The following CCDC150 variants were observed in gnomAD, a reference collection of about 807,000 sequenced individuals.
CCDC150 encodes the protein coiled-coil domain-containing protein 150.
In CCDC150, 151 loss-of-function variants were observed where a neutral mutation model predicts 156.5. That is an observed-to-expected ratio of 0.97 (90% confidence interval 0.85 to 1.10). The LOEUF (loss-of-function observed/expected upper bound fraction) is 1.10, where lower values mean the gene tolerates loss of function less well. Ranked by LOEUF, CCDC150 falls within the 50% of genes least tolerant of loss-of-function variation. The pLI is 0.00. For missense variants in CCDC150, 1,312 were observed against 1,268.1 expected (o/e 1.03, Z -0.53); for synonymous variants, 452 against 429.4 (o/e 1.05, Z -0.65).
chr2:196,732,774 AT>A lies in CCDC150; in HGVS notation c.*215del. On this transcript the variant is annotated 3_prime_UTR_variant, in exon 28 of 28. Transcript: ENST00000389175. ...CCTTTTCACATTTTCCACCCAATAA[AT>A]TTGTGTTAATTTGTTGTATGATAGG... The A allele has an allele frequency of 2.8e-6, 1 of 355,896 alleles. No individual in the cohort carries two copies. The allele number at this position is 355,896 out of a possible 1,614,324, so 22.0% of individuals were successfully genotyped here. A position where few individuals can be genotyped will look rare whatever the true frequency, so the allele number is the denominator to read the frequency against.
intron 15 of CCDC150, among the ~76,000 whole-genome samples, chr2:196,705,844 CA>C: frequency 6.6e-6 from 1 of 152,136 alleles, no homozygotes; most frequent in Non-Finnish European, 1.5e-5. Flanking sequence ...TCAGATTTGT[CA>C]AAGATCAGAT....
rs952837149 is a variant in CCDC150 at position 196,722,206 on chromosome 2, A to G, written c.2429+515A>G. 4.6e-5 allele frequency among the ~76,000 whole-genome samples: 7 copies of G among 152,224 alleles called. No individual in the cohort carries two copies. The East Asian group carries it at 1.3e-3, about 29-fold the overall frequency. ...AAATTATACCTCGGTAAATATTTAG[A>G]TAATAATAGCATCCCATGAAAATTT... is the stretch of plus-strand genomic sequence containing the variant. On this transcript the variant is annotated intron_variant, in intron 21 of 27. Coordinates refer to ENST00000389175, the MANE Select transcript of CCDC150 (RefSeq NM_001080539.2).
intron 1 of CCDC150, among the ~76,000 whole-genome samples, chr2:196,643,202 A>G (rs1279258247): frequency 6.6e-6 from 1 of 152,198 alleles, no homozygotes; most frequent in African/African-American, 2.4e-5. Context: ...TGCCCTGCCA[A>G]CCATCAATCA....
chr2:196,712,512 T>C (rs977946501), intron 16 of CCDC150, 165 bp from the exon 17 acceptor site: 17 of 609,516 alleles, frequency 2.8e-5, no homozygotes, highest in Admixed American at 1.2e-4. Context: ...TAAACTTTAT[T>C]AGAGAATAGA....
intron 25 of CCDC150, 59 bp from the exon 26 acceptor site, chr2:196,730,800 G>T (rs2125722050): frequency 7.9e-7 from 1 of 1,273,602 alleles, no homozygotes; most frequent in East Asian, 2.5e-5. Flanking sequence ...TAACAGTGAA[G>T]CATTTGGTTT....
intron 17 of CCDC150, chr2:196,713,265 G>T: frequency 7.2e-7 from 1 of 1,385,164 alleles, no homozygotes; most frequent in South Asian, 1.9e-5. Context: ...GCTCCTTCTA[G>T]AACACTGTGT....
rs186619486 is a variant in CCDC150 at position 196,641,567 on chromosome 2, A to T, written c.12+1789A>T. Among the ~76,000 whole-genome samples, 30 of 152,062 alleles carry T rather than the reference A, an allele frequency of 2.0e-4. 1 individual carries two copies. In the East Asian group the frequency reaches 5.8e-3, roughly 29 times the overall value. ...TTCCTATTTCATTTTCCTCCTTTGCACTTATCACCAATAAACAAACTATGT... is the reference window on the plus strand; with the variant it reads ...TTCCTATTTCATTTTCCTCCTTTGCTCTTATCACCAATAAACAAACTATGT... On this transcript the variant is annotated intron_variant, in intron 1 of 27. Transcript: ENST00000389175.
At chr2:196,639,914 G>A in intron 1 of CCDC150, 136 bp downstream of exon 1, 3 of 784,360 alleles carry the variant, frequency 3.8e-6, no homozygotes, top group South Asian at 1.0e-4. Context: ...TGGACCTCAG[G>A]GCCCTGATTT....
At chr2:196,649,892 G>C (rs1692773229) in intron 2 of CCDC150, among the ~76,000 whole-genome samples, 2 of 152,036 alleles carry the variant, frequency 1.3e-5, no homozygotes, top group Non-Finnish European at 2.9e-5. Flanking sequence ...ATCGTTTTTT[G>C]GTAGAGTCTT....
chr2:196,701,776 G>GA (rs1353031145), intron 15 of CCDC150, among the ~76,000 whole-genome samples: 1 of 152,170 alleles, frequency 6.6e-6, no homozygotes, highest in Non-Finnish European at 1.5e-5. Context: ...ATGCAGCATA[G>GA]AAAAAATAGG....
intron 2 of CCDC150, among the ~76,000 whole-genome samples, chr2:196,651,320 A>T (rs1331757083): frequency 4.6e-5 from 7 of 152,226 alleles, no homozygotes; most frequent in Admixed American, 4.6e-4. Flanking sequence ...ATTGATTAAT[A>T]ACCTGCTATT....
intron 13 of CCDC150, among the ~76,000 whole-genome samples, chr2:196,693,322 G>T (rs548645602): frequency 3.7e-4 from 57 of 152,132 alleles, no homozygotes; most frequent in Non-Finnish European, 7.2e-4. Flanking sequence ...TTTTATTTTG[G>T]TTTTTTATTT....
chr2:196,647,276 A>G lies in CCDC150; in HGVS notation c.176+772A>G, dbSNP rs572255922. Among the ~76,000 whole-genome samples, 9 of 152,256 alleles carry G rather than the reference A, an allele frequency of 5.9e-5. No individual in the cohort carries two copies. The South Asian group carries it at 1.7e-3, about 28-fold the overall frequency. On this transcript the variant is annotated intron_variant, in intron 2 of 27. Coordinates refer to ENST00000389175, the MANE Select transcript of CCDC150 (RefSeq NM_001080539.2). ...CTAAAAACATGAATATATTGCCTCCATGCTGACTTTAATAATTAGTTCACT... is the reference window on the plus strand; with the variant it reads ...CTAAAAACATGAATATATTGCCTCCGTGCTGACTTTAATAATTAGTTCACT...
intron 1 of CCDC150, among the ~76,000 whole-genome samples, chr2:196,643,586 G>A (rs937756889): frequency 3.9e-5 from 6 of 152,182 alleles, no homozygotes; most frequent in Non-Finnish European, 5.9e-5. Flanking sequence ...AATTTTAGTT[G>A]GGAATCTGCA....
At chr2:196,680,285 A>G (rs559009551) in intron 13 of CCDC150, among the ~76,000 whole-genome samples, 40 of 152,134 alleles carry the variant, frequency 2.6e-4, no homozygotes, top group African/African-American at 9.4e-4. Flanking sequence ...TGTATCATGC[A>G]AGGTATTGTT....
At chr2:196,673,731 AT>A (rs1694340106) in intron 9 of CCDC150, among the ~76,000 whole-genome samples, 1 of 152,158 alleles carries the variant, frequency 6.6e-6, no homozygotes, top group Admixed American at 6.5e-5. Context: ...CTACCTACAT[AT>A]ATGATATATC....
intron 18 of CCDC150, 100 bp downstream of exon 18, chr2:196,718,731 A>C (rs1697695752): frequency 7.0e-7 from 1 of 1,422,992 alleles, no homozygotes; most frequent in Non-Finnish European, 9.4e-7. Context: ...CATTAGAATA[A>C]GGATTGATCA....
rs144134479 is a variant in CCDC150 at position 196,720,149 on chromosome 2, A to G, written c.2166-426A>G. ...GTAAATTCCTTTATAGAATGTTTCAAAAATTAAATAAAATTTCCTTTTAGG... is the reference window on the plus strand; with the variant it reads ...GTAAATTCCTTTATAGAATGTTTCAGAAATTAAATAAAATTTCCTTTTAGG... On this transcript the variant is annotated intron_variant, in intron 19 of 27. Coordinates refer to ENST00000389175, the MANE Select transcript of CCDC150 (RefSeq NM_001080539.2). The G allele has an allele frequency of 3.4e-4, 136 of 401,380 alleles. 1 individual carries two copies. In the Middle Eastern group the frequency reaches 3.6e-3, roughly 10 times the overall value. The allele number at this position is 401,380 out of a possible 1,614,324, so 24.9% of individuals were successfully genotyped here.
rs771966537 is a variant in CCDC150, at chr2:196,646,325, G to A, written c.13-16G>A. ...TAATAGGACCTACCACACTAAGATT[G>A]TGACTGTATTCTTAGGTACATATGG... On this transcript the variant is annotated splice_polypyrimidine_tract_variant and intron_variant, in intron 1 of 27. Coordinates refer to ENST00000389175, the MANE Select transcript of CCDC150 (RefSeq NM_001080539.2). The A allele has an allele frequency of 3.1e-6, 5 of 1,611,420 alleles. No individual in the cohort carries two copies. The East Asian group carries it at 8.9e-5, about 29-fold the overall frequency.
Sources: gnomAD v4.1 joint callset for allele counts (sites outside exome capture counted in the v4.1 genomes callset) on GRCh38, gnomAD v4.1.1 for gene constraint, MANE v1.5 for transcripts, NCBI Gene and HGNC (gene_info 2026-07-23, HGNC 2026-07-21) for gene names.